DAB2IP: variants seen among roughly 807,000 people sequenced by gnomAD.
DAB2IP encodes the protein DAB2 interacting protein.
Under a neutral mutation model 107.2 loss-of-function variants are expected in DAB2IP, and 28 were observed. That is an observed-to-expected ratio of 0.26 (90% CI 0.19 to 0.36). The LOEUF (loss-of-function observed/expected upper bound fraction) is 0.36. DAB2IP is among the 10% of genes least tolerant of loss of function. DAB2IP has a pLI of 1.00. For missense variants in DAB2IP, 1,400 were observed against 1,644.7 expected (o/e 0.85, Z 2.57); for synonymous variants, 755 against 706.4 (o/e 1.07, Z -1.09).
At chr9:121,770,909 A>C (rs1834674939) in intron 11 of DAB2IP, among the ~76,000 whole-genome samples, 185 bp downstream of exon 11, 2 of 151,628 alleles carry the variant, frequency 1.3e-5, no homozygotes, top group South Asian at 4.1e-4. Flanking sequence ...AAGCCTTCCT[A>C]GAGGAGGTGA....
chr9:121,756,466 C>T (rs1833485622), intron 3 of DAB2IP, among the ~76,000 whole-genome samples: 1 of 152,232 alleles, frequency 6.6e-6, no homozygotes, highest in African/African-American at 2.4e-5. Flanking sequence ...GCCTCGCTGT[C>T]CTCATCTGTA....
intron 1 of DAB2IP, among the ~76,000 whole-genome samples, chr9:121,584,549 C>G (rs1186749239): frequency 6.6e-6 from 1 of 152,202 alleles, no homozygotes; most frequent in African/African-American, 2.4e-5. Flanking sequence ...CCAGGGAGGA[C>G]AGGGTGACAG....
chr9:121,621,918 G>A (rs763161585), intron 1 of DAB2IP, among the ~76,000 whole-genome samples: 3 of 150,000 alleles, frequency 2.0e-5, no homozygotes, highest in East Asian at 3.9e-4. Flanking sequence ...GCCTCCCAAA[G>A]TGTTGGGATT....
At chr9:121,594,198 C>A (rs1589384564) in intron 1 of DAB2IP, among the ~76,000 whole-genome samples, 1 of 151,296 alleles carries the variant, frequency 6.6e-6, no homozygotes, top group Non-Finnish European at 1.5e-5. Context: ...CTAGGTCACA[C>A]AGCTGGCAAG....
chr9:121,642,479 CT>C (rs915407950), intron 1 of DAB2IP, among the ~76,000 whole-genome samples: 69 of 131,012 alleles, frequency 5.3e-4, no homozygotes, highest in Non-Finnish European at 9.7e-4. Flanking sequence ...CCACACCTGG[CT>C]TTTTTTTCTT....
intron 1 of DAB2IP, among the ~76,000 whole-genome samples, chr9:121,656,606 T>C (rs566206219): frequency 4.6e-5 from 7 of 152,326 alleles, no homozygotes; most frequent in East Asian, 3.9e-4. Flanking sequence ...ACCTCAAGGA[T>C]TGGGGAGCTC....
In DAB2IP at chr9:121,699,235, C is replaced by T. The variant is rs1353740241; in HGVS notation, c.229-90C>T. ...GCCCGCCCTCGGCCGCGCGGCCGCCCAGCAAGGGTGCGGGTCCCGCGCGGG... is the reference window on the plus strand; with the variant it reads ...GCCCGCCCTCGGCCGCGCGGCCGCCTAGCAAGGGTGCGGGTCCCGCGCGGG... On this transcript the variant is annotated intron_variant, in intron 2 of 15. Transcript: ENST00000408936. This position sits in a 1 kb window ranked among gnomAD's most constrained non-coding sequence, Gnocchi z 6.2. The T allele has an allele frequency of 5.6e-6, 6 of 1,064,992 alleles. No homozygotes were observed. The highest frequency in any genetic ancestry group is 6.8e-6 in the Non-Finnish European group (6 of 881,354). 66.0% of individuals were successfully genotyped at this position (1,064,992 alleles called of 1,614,324 possible). A position where few individuals can be genotyped will look rare whatever the true frequency, so the allele number is the denominator to read the frequency against.
chr9:121,653,585 CAG>C (rs1358699950), intron 1 of DAB2IP, among the ~76,000 whole-genome samples: 1 of 152,132 alleles, frequency 6.6e-6, no homozygotes, highest in Non-Finnish European at 1.5e-5. Flanking sequence ...CAGTACTGTT[CAG>C]ACCACCCTGG....
chr9:121,715,402 G>GAGTGC (rs1165115171), intron 3 of DAB2IP, among the ~76,000 whole-genome samples: 1 of 150,604 alleles, frequency 6.6e-6, no homozygotes, highest in Non-Finnish European at 1.5e-5. Context: ...GGCTGGAGTG[G>GAGTGC]AGTGCAGTGG....
intron 1 of DAB2IP, among the ~76,000 whole-genome samples, chr9:121,619,725 G>A (rs1048537893): frequency 2.6e-5 from 4 of 152,154 alleles, no homozygotes; most frequent in East Asian, 1.9e-4. Context: ...TTCCGGGAGC[G>A]CTTGTAAACC....
chr9:121,612,213 G>A (rs1831119418), intron 1 of DAB2IP, among the ~76,000 whole-genome samples: 1 of 152,026 alleles, frequency 6.6e-6, no homozygotes, highest in Non-Finnish European at 1.5e-5. Flanking sequence ...AGCTACTCTG[G>A]AGGCTGAGGT....
chr9:121,641,901 C>CTT (rs74424141), intron 1 of DAB2IP, among the ~76,000 whole-genome samples: 65 of 82,694 alleles, frequency 7.9e-4, no homozygotes, highest in African/African-American at 2.9e-3. Context: ...CCCTTTCTTT[C>CTT]TTTCTTTCTT....
exon 12 of DAB2IP, chr9:121,773,056 C>A: frequency 6.2e-7 from 1 of 1,612,566 alleles, no homozygotes. Flanking sequence ...CCGCTGTCAC[C>A]CCGTGGCCTT....
intron 1 of DAB2IP, among the ~76,000 whole-genome samples, chr9:121,666,288 G>C (rs149876403): frequency 1.3e-5 from 2 of 152,074 alleles, no homozygotes; most frequent in Non-Finnish European, 2.9e-5. Flanking sequence ...TCCTCATCTC[G>C]ACATCCTTAA....
chr9:121,617,552 A>G (rs1831320917), intron 1 of DAB2IP, among the ~76,000 whole-genome samples: 1 of 152,158 alleles, frequency 6.6e-6, no homozygotes, highest in Admixed American at 6.5e-5. Context: ...ACCCAAGGGA[A>G]AGGAACCTGT....
chr9:121,763,925 C>G, intron 8 of DAB2IP, 46 bp downstream of exon 8: 1 of 1,602,656 alleles, frequency 6.2e-7, no homozygotes. Context: ...CTTCCCCATC[C>G]TGTCCTTCAG....
intron 1 of DAB2IP, among the ~76,000 whole-genome samples, chr9:121,657,088 C>G (rs1346243596): frequency 1.3e-5 from 2 of 152,220 alleles, no homozygotes; most frequent in African/African-American, 4.8e-5. Flanking sequence ...TGGGATAGCT[C>G]AGGTGGGACC....
chr9:121,665,374 G>T (rs1833373780), intron 1 of DAB2IP, among the ~76,000 whole-genome samples: 2 of 152,062 alleles, frequency 1.3e-5, no homozygotes, highest in African/African-American at 4.8e-5. Flanking sequence ...GAACAAAAGT[G>T]CAGAACATTA....
intron 6 of DAB2IP, among the ~76,000 whole-genome samples, chr9:121,761,182 G>T (rs962233389): frequency 2.0e-5 from 3 of 152,210 alleles, no homozygotes; most frequent in Admixed American, 2.0e-4. Context: ...GGACCAGGGT[G>T]CCCCTAGGAA....
Sources: allele counts gnomAD v4.1 joint callset (sites outside exome capture counted in the v4.1 genomes callset), GRCh38; gene constraint gnomAD v4.1.1; non-coding constraint Gnocchi (gnomAD v3.1); transcripts MANE v1.5; gene names NCBI Gene and HGNC (gene_info 2026-07-23, HGNC 2026-07-21).